Variants in SBF2 observed in about 807,000 individuals in gnomAD.
The protein encoded by SBF2 is myotubularin-related protein 13.
SBF2 carries 112 observed loss-of-function variants against 225.2 expected under a neutral mutation model. The observed-to-expected ratio is 0.50, with a 90% CI of 0.43 to 0.58. The LOEUF is 0.58. SBF2 is among the 20% of genes least tolerant of loss of function. The pLI is 0.00. For missense variants in SBF2, 1,996 were observed against 2,206.2 expected (o/e 0.90, Z 1.91); for synonymous variants, 763 against 773.3 (o/e 0.99, Z 0.22).
intron 17 of SBF2, among the ~76,000 whole-genome samples, chr11:9,881,935 C>A (rs975725612): frequency 6.6e-6 from 1 of 152,058 alleles, no homozygotes; most frequent in African/African-American, 2.4e-5. Context: ...CTGCAGTGAG[C>A]CATGATTTTG....
chr11:9,846,056 G>C (rs1328310139), intron 23 of SBF2, among the ~76,000 whole-genome samples: 1 of 152,198 alleles, frequency 6.6e-6, no homozygotes, highest in African/African-American at 2.4e-5. Context: ...TCCAGATAGA[G>C]AATTTGGCCT....
chr11:9,968,662 A>G, intron 13 of SBF2, 117 bp from the exon 14 acceptor site: 1 of 826,982 alleles, frequency 1.2e-6, no homozygotes, highest in Non-Finnish European at 2.1e-6. Context: ...ACATTCATAT[A>G]TACGCCATAA....
chr11:9,857,672 T>C (rs977623067), intron 18 of SBF2, among the ~76,000 whole-genome samples: 1 of 152,232 alleles, frequency 6.6e-6, no homozygotes, highest in Non-Finnish European at 1.5e-5. Flanking sequence ...TAGTAAATGA[T>C]GTTTTAAACT....
At chr11:10,131,456 CTT>C (rs150310622) in intron 2 of SBF2, among the ~76,000 whole-genome samples, 11,579 of 151,864 alleles carry the variant, frequency 0.076, 619 homozygotes, top group East Asian at 0.28. Context: ...TATATATTCT[CTT>C]GTTTTGCTCT....
At chr11:9,958,913 A>G in intron 16 of SBF2, 1 of 678,862 alleles carries the variant, frequency 1.5e-6, no homozygotes, top group Middle Eastern at 3.6e-4. Context: ...ATGGGCTATA[A>G]GAGCAGAAAA....
chr11:10,240,271 A>C (rs539054226), intron 1 of SBF2, among the ~76,000 whole-genome samples: 9 of 151,284 alleles, frequency 5.9e-5, no homozygotes, highest in South Asian at 2.1e-4. Flanking sequence ...AAAAAAAAAA[A>C]AAAACAGGAT....
At chr11:9,796,106 A>C in intron 32 of SBF2, 149 bp from the exon 33 acceptor site, 1 of 809,754 alleles carries the variant, frequency 1.2e-6, no homozygotes, top group Non-Finnish European at 2.0e-6. Context: ...TAGAGATGGG[A>C]AGGGAACCAG....
In SBF2 at chr11:9,881,826, TAAG is replaced by T. The variant is rs532263540; in HGVS notation, c.1929+14114_1929+14116del. On this transcript the variant is annotated intron_variant, in intron 17 of 39. Transcript: ENST00000256190. ...AGCAAAACCCCATCTCTAAAAAAAA[TAAG>T]AAGAAGAAATAGGCTGGGCGTGGTG... Among the ~76,000 whole-genome samples, 403 of 151,320 alleles carry T rather than the reference TAAG, an allele frequency of 2.7e-3. 2 individuals are homozygous for T. Among genetic ancestry groups the T allele is most frequent in the South Asian group, 0.025 (120 of 4,770 alleles).
At chr11:10,036,606 A>G (rs1257117720) in intron 3 of SBF2, among the ~76,000 whole-genome samples, 1 of 152,194 alleles carries the variant, frequency 6.6e-6, no homozygotes, top group Non-Finnish European at 1.5e-5. Context: ...TCATTTTATA[A>G]ATCAGTAATC....
intron 27 of SBF2, among the ~76,000 whole-genome samples, chr11:9,831,756 G>A (rs1378710251): frequency 6.6e-6 from 1 of 152,166 alleles, no homozygotes; most frequent in African/African-American, 2.4e-5. Flanking sequence ...TCCTGAAGCA[G>A]CATTTGCAGT....
At chr11:9,916,538 C>A (rs1863108007) in intron 16 of SBF2, among the ~76,000 whole-genome samples, 2 of 151,806 alleles carry the variant, frequency 1.3e-5, no homozygotes, top group African/African-American at 4.8e-5. Context: ...ATGAAAGCGG[C>A]CTTGGAAATA....
chr11:9,829,553 T>G (rs1159271123), intron 27 of SBF2, 57 bp from the exon 28 acceptor site: 1 of 1,201,910 alleles, frequency 8.3e-7, no homozygotes, highest in African/African-American at 1.5e-5. Flanking sequence ...ACAAAACAAG[T>G]ATCTATCTAT....
rs1166763666 is a variant in SBF2 at position 9,990,655 on chromosome 11, A to C, written c.1297-1060T>G. On this transcript the variant is annotated intron_variant, in intron 12 of 39. Transcript: ENST00000256190. ...GTCACCACTGTAGGCCAAACAGAGA[A>C]CTGGATGAACACTAAGGGGTGACTC... 4.6e-5 allele frequency among the ~76,000 whole-genome samples: 7 copies of C among 152,228 alleles called. No individual in the cohort carries two copies. In the East Asian group the frequency reaches 7.7e-4, roughly 17 times the overall value.
intron 1 of SBF2, among the ~76,000 whole-genome samples, chr11:10,283,626 T>TA (rs369809145): frequency 2.7e-5 from 4 of 146,410 alleles, no homozygotes; most frequent in South Asian, 2.2e-4. Flanking sequence ...ACAGAAGAAA[T>TA]AAAAAAAAGT....
chr11:9,970,720 T>A (rs1187959880), intron 13 of SBF2, among the ~76,000 whole-genome samples: 3 of 152,232 alleles, frequency 2.0e-5, no homozygotes, highest in Non-Finnish European at 4.4e-5. Context: ...TTGCCTAAGT[T>A]ATATAATTAA....
chr11:9,998,169 A>T, intron 9 of SBF2, 97 bp downstream of exon 9: 2 of 739,984 alleles, frequency 2.7e-6, no homozygotes, highest in Non-Finnish European at 2.4e-6. Context: ...TCTTTAAATT[A>T]AAGTAACAAA....
intron 2 of SBF2, among the ~76,000 whole-genome samples, chr11:10,156,619 T>C (rs1341302830): frequency 1.3e-5 from 2 of 152,106 alleles, no homozygotes; most frequent in Admixed American, 1.3e-4. Context: ...TGGCCACACA[T>C]GGACCAATCA....
chr11:9,936,062 C>T (rs1864875007), intron 16 of SBF2, among the ~76,000 whole-genome samples: 4 of 151,662 alleles, frequency 2.6e-5, no homozygotes, highest in Admixed American at 2.6e-4. Flanking sequence ...ACCCATCTGA[C>T]AAAGGGCTAA....
chr11:10,103,910 A>G (rs766993124), intron 2 of SBF2, among the ~76,000 whole-genome samples: 25 of 152,108 alleles, frequency 1.6e-4, no homozygotes, highest in Non-Finnish European at 3.4e-4. Context: ...GTCAGACCTC[A>G]TTGCTCCAAA....
Sources: allele counts gnomAD v4.1 joint callset (sites outside exome capture counted in the v4.1 genomes callset), GRCh38; gene constraint gnomAD v4.1.1; transcripts MANE v1.5; gene names NCBI Gene and HGNC (gene_info 2026-07-23, HGNC 2026-07-21).